The following HMGA2 variants were observed in gnomAD, a reference collection of about 807,000 sequenced individuals.
HMGA2 encodes high mobility group protein HMGI-C.
A neutral mutation model predicts 19.1 loss-of-function variants in HMGA2; 8 were observed. The ratio of observed to expected loss-of-function variants is 0.42; its 90% confidence interval spans 0.25 to 0.76. The LOEUF is 0.76. Among genes scored for constraint, HMGA2 ranks in the 30% least tolerant of loss-of-function variants. HMGA2 has a pLI of 0.28. For missense variants in HMGA2, 109 were observed against 136.3 expected (o/e 0.80, Z 1.00); for synonymous variants, 60 against 48.8 (o/e 1.23, Z -0.96).
chr12:65,895,738 CCTAG>C (rs138066904), intron 3 of HMGA2, among the ~76,000 whole-genome samples: 2,885 of 152,226 alleles, frequency 0.019, 93 homozygotes, highest in African/African-American at 0.066. Context: ...ACATAGTCTG[CCTAG>C]CAGACTTCTT....
chr12:65,869,610 T>G (rs932147686), intron 3 of HMGA2, among the ~76,000 whole-genome samples: 4 of 152,204 alleles, frequency 2.6e-5, no homozygotes, highest in Non-Finnish European at 4.4e-5. Context: ...AAAAATACAA[T>G]TCACATTTTA....
intron 3 of HMGA2, among the ~76,000 whole-genome samples, chr12:65,945,537 T>C (rs1453447901): frequency 6.6e-6 from 1 of 152,118 alleles, no homozygotes; most frequent in Non-Finnish European, 1.5e-5. Flanking sequence ...GAATGTTCTA[T>C]ACAGAGAGAA....
intron 3 of HMGA2, among the ~76,000 whole-genome samples, chr12:65,852,890 T>C (rs564095590): frequency 2.6e-5 from 4 of 152,288 alleles, no homozygotes; most frequent in East Asian, 3.9e-4. Flanking sequence ...GTAGTAGACA[T>C]TGAAGAGGAG....
At chr12:65,863,691 G>A (rs1872232188) in intron 3 of HMGA2, among the ~76,000 whole-genome samples, 1 of 152,208 alleles carries the variant, frequency 6.6e-6, no homozygotes, top group South Asian at 2.1e-4. Context: ...CAGGATCTTG[G>A]AGGTTAGGAA....
chr12:65,844,455 T>C (rs1871151086), intron 3 of HMGA2, among the ~76,000 whole-genome samples: 1 of 152,222 alleles, frequency 6.6e-6, no homozygotes, highest in South Asian at 2.1e-4. Flanking sequence ...AGCTTAATCT[T>C]ATTTTAATAG....
In HMGA2 at chr12:65,851,867, G is replaced by C. The variant is rs1006023156; in HGVS notation, c.249+13298G>C. Among the ~76,000 whole-genome samples, 15 of 152,260 alleles carry C rather than the reference G, an allele frequency of 9.9e-5. 1 individual carries two copies. The highest frequency in any genetic ancestry group is 3.3e-4 in the Admixed American group (5 of 15,292). On this transcript the variant is annotated intron_variant, in intron 3 of 4. Coordinates refer to ENST00000403681, the MANE Select transcript of HMGA2 (RefSeq NM_003483.6). ...GAAAGGCCTTTCTGACTTGCATTCT[G>C]ACTTAATGAATTTCTAGCTTTGTGA...
At chr12:65,875,735 G>A (rs889588661) in intron 3 of HMGA2, among the ~76,000 whole-genome samples, 1 of 151,130 alleles carries the variant, frequency 6.6e-6, no homozygotes, top group Non-Finnish European at 1.5e-5. Context: ...ATAGGCGTAA[G>A]CCACTGTGCC....
At chr12:65,905,609 A>C (rs1874558546) in intron 3 of HMGA2, among the ~76,000 whole-genome samples, 1 of 152,208 alleles carries the variant, frequency 6.6e-6, no homozygotes, top group Non-Finnish European at 1.5e-5. Flanking sequence ...ACTTCTTCTG[A>C]GAATAGCGAC....
intron 3 of HMGA2, among the ~76,000 whole-genome samples, chr12:65,904,337 T>C (rs750961175): frequency 2.0e-5 from 3 of 152,228 alleles, no homozygotes; most frequent in Non-Finnish European, 2.9e-5. Flanking sequence ...GAGCAATTCA[T>C]TTTTAAATGA....
At chr12:65,879,131 CT>C (rs949407020) in intron 3 of HMGA2, among the ~76,000 whole-genome samples, 1 of 152,034 alleles carries the variant, frequency 6.6e-6, no homozygotes, top group African/African-American at 2.4e-5. Context: ...AAAATAAAGA[CT>C]TTTTTTTATT....
At chr12:65,949,573 G>A (rs1344096069) in intron 3 of HMGA2, among the ~76,000 whole-genome samples, 4 of 152,116 alleles carry the variant, frequency 2.6e-5, no homozygotes, top group Non-Finnish European at 2.9e-5. Flanking sequence ...ATAATCCATC[G>A]AAAAGCTCAG....
chr12:65,944,794 T>A (rs1283714578), intron 3 of HMGA2, among the ~76,000 whole-genome samples: 1 of 152,204 alleles, frequency 6.6e-6, no homozygotes, highest in East Asian at 1.9e-4. Flanking sequence ...GTGAATGCTA[T>A]GAAGACGCTC....
chr12:65,891,502 A>G (rs1414220504), intron 3 of HMGA2, among the ~76,000 whole-genome samples: 1 of 152,234 alleles, frequency 6.6e-6, no homozygotes, highest in Non-Finnish European at 1.5e-5. Context: ...TTCTGTGGTC[A>G]TGGCTGTGGA....
At chr12:65,844,066 A>AG (rs1386794912) in intron 3 of HMGA2, among the ~76,000 whole-genome samples, 5 of 151,910 alleles carry the variant, frequency 3.3e-5, no homozygotes, top group African/African-American at 1.2e-4. Flanking sequence ...AAAAAAAAAA[A>AG]AAAGAAATAT....
chr12:65,885,917 G>A (rs1415753249), intron 3 of HMGA2, among the ~76,000 whole-genome samples: 1 of 152,128 alleles, frequency 6.6e-6, no homozygotes, highest in East Asian at 1.9e-4. Flanking sequence ...TTAGTTCCGG[G>A]AACTGCCCAC....
chr12:65,899,043 C>CAAA lies in HMGA2; in HGVS notation c.250-52313_250-52311dup, dbSNP rs751128412. Among the ~76,000 whole-genome samples, 137 of 25,312 alleles carry CAAA rather than the reference C, an allele frequency of 5.4e-3. 7 individuals are homozygous for CAAA. Among genetic ancestry groups the CAAA allele is most frequent in the Admixed American group, 0.011 (22 of 1,914 alleles). 16.6% of individuals were successfully genotyped at this position (25,312 alleles called of 152,430 possible). A position where few individuals can be genotyped will look rare whatever the true frequency, so the allele number is the denominator to read the frequency against. ...TGGGCAACAGAGCGAGACTCCGTCT[C>CAAA]AAAAAAAAAAAAAAAAAAAAAAAAA... On this transcript the variant is annotated intron_variant, in intron 3 of 4. Coordinates refer to ENST00000403681, the MANE Select transcript of HMGA2 (RefSeq NM_003483.6).
chr12:65,870,355 C>A (rs1433258308), intron 3 of HMGA2, among the ~76,000 whole-genome samples: 1 of 152,056 alleles, frequency 6.6e-6, no homozygotes, highest in Non-Finnish European at 1.5e-5. Context: ...AGCCTTTATT[C>A]CAACTAGGTA....
Position 65,917,427 on chromosome 12 carries a change from T to TGGTCTGGATTGTTTCCTCC in HMGA2, c.250-33955_250-33937dup. 1.3e-5 allele frequency among the ~76,000 whole-genome samples: 2 copies of TGGTCTGGATTGTTTCCTCC among 152,338 alleles called. 1 individual carries two copies. The highest frequency in any genetic ancestry group is 6.8e-3 in the Middle Eastern group (2 of 294). On this transcript the variant is annotated intron_variant, in intron 3 of 4. Transcript: ENST00000403681. ...GTGAAACCAGGGCCTAATCTGGATC[T>TGGTCTGGATTGTTTCCTCC]GGTCTGGATTGTTTCCTCCATGCTC...
chr12:65,837,860 C>T (rs2120869767), intron 2 of HMGA2, among the ~76,000 whole-genome samples: 1 of 152,266 alleles, frequency 6.6e-6, no homozygotes, highest in South Asian at 2.1e-4. Context: ...GTTTTAATCA[C>T]TGGGACAAAC....
Sources: gnomAD v4.1 joint callset for allele counts (sites outside exome capture counted in the v4.1 genomes callset) on GRCh38, gnomAD v4.1.1 for gene constraint, MANE v1.5 for transcripts, NCBI Gene and HGNC (gene_info 2026-07-23, HGNC 2026-07-21) for gene names.